WWTR1: variants seen among roughly 807,000 people sequenced by gnomAD.
WWTR1 encodes WW domain containing transcription regulator 1.
A neutral mutation model predicts 40.1 loss-of-function variants in WWTR1; 13 were observed. The ratio of observed to expected loss-of-function variants is 0.32; its 90% CI spans 0.21 to 0.52. The LOEUF is 0.52. Among genes scored for constraint, WWTR1 ranks in the 20% least tolerant of loss-of-function variants. The probability of loss-of-function intolerance (pLI) is 0.97; values close to 1 mark genes in which losing one functional copy is unlikely to be tolerated. For synonymous variants in WWTR1, 230 were observed against 210.1 expected (o/e 1.09, Z -0.82); for missense variants, 436 against 523.1 (o/e 0.83, Z 1.63).
intron 1 of WWTR1, among the ~76,000 whole-genome samples, chr3:149,682,076 GT>G (rs63111960): frequency 0.3 from 45,521 of 151,868 alleles, 7,113 homozygotes; most frequent in Admixed American, 0.39. Flanking sequence ...AAATTTAAAT[GT>G]AAAAAAAGAT....
At chr3:149,678,532 C>T (rs890740174) in intron 1 of WWTR1, among the ~76,000 whole-genome samples, 10 of 152,184 alleles carry the variant, frequency 6.6e-5, no homozygotes, top group Admixed American at 3.3e-4. Flanking sequence ...GCAGGGACCA[C>T]AGTCTATGCC....
intron 2 of WWTR1, among the ~76,000 whole-genome samples, chr3:149,642,808 A>C (rs10513357): frequency 0.015 from 2,307 of 152,170 alleles, 38 homozygotes; most frequent in East Asian, 0.087. Flanking sequence ...TTATTTGCCA[A>C]AAGTTGCATA....
intron 2 of WWTR1, among the ~76,000 whole-genome samples, chr3:149,592,232 C>G (rs1351415443): frequency 1.3e-5 from 2 of 152,186 alleles, no homozygotes; most frequent in Non-Finnish European, 2.9e-5. Context: ...TTTCAATTAG[C>G]TTAATCCCAC....
intron 2 of WWTR1, among the ~76,000 whole-genome samples, chr3:149,601,147 A>G (rs1182677350): frequency 2.0e-5 from 3 of 152,196 alleles, no homozygotes; most frequent in South Asian, 2.1e-4. Flanking sequence ...AAATTCAAAA[A>G]TGTATCAATT....
intron 3 of WWTR1, among the ~76,000 whole-genome samples, chr3:149,560,090 CAG>C (rs1476312327): frequency 6.6e-6 from 1 of 152,098 alleles, no homozygotes; most frequent in Non-Finnish European, 1.5e-5. Flanking sequence ...ATCCCAGGGT[CAG>C]AGCTGAGACA....
chr3:149,648,557 T>C (rs1014963837), intron 2 of WWTR1, among the ~76,000 whole-genome samples: 3 of 152,142 alleles, frequency 2.0e-5, no homozygotes, highest in African/African-American at 7.2e-5. Context: ...GGGGAAAAGT[T>C]CCTGCAGGAT....
chr3:149,598,710 ACAT>A (rs763222794), intron 2 of WWTR1, among the ~76,000 whole-genome samples: 4 of 152,174 alleles, frequency 2.6e-5, no homozygotes, highest in Non-Finnish European at 4.4e-5. Context: ...ACTTTCATCA[ACAT>A]CATAATTTAA....
chr3:149,582,504 T>C (rs544373138), intron 2 of WWTR1, among the ~76,000 whole-genome samples: 4 of 151,968 alleles, frequency 2.6e-5, no homozygotes, highest in African/African-American at 4.8e-5. Context: ...GGCAGGAGGA[T>C]TGCTTGAGCA....
At chr3:149,587,112 T>C (rs528992158) in intron 2 of WWTR1, among the ~76,000 whole-genome samples, 1 of 152,298 alleles carries the variant, frequency 6.6e-6, no homozygotes, top group South Asian at 2.1e-4. Context: ...TCACCACCTG[T>C]AGCTTGCAAT....
chr3:149,714,231 G>A (rs1186933122), intron 5 of WWTR1, among the ~76,000 whole-genome samples: 2 of 152,226 alleles, frequency 1.3e-5, no homozygotes, highest in African/African-American at 4.8e-5. Flanking sequence ...ACACCGCTGT[G>A]GACATGGACC....
At chr3:149,645,143 GA>G (rs11315437) in intron 2 of WWTR1, among the ~76,000 whole-genome samples, 82,132 of 150,840 alleles carry the variant, frequency 0.54, 22,428 homozygotes, top group Middle Eastern at 0.64. Flanking sequence ...GCAGTGGCGC[GA>G]TCTCAGCTCA....
chr3:149,549,423 A>T (rs1181879681), intron 3 of WWTR1, among the ~76,000 whole-genome samples: 1 of 152,252 alleles, frequency 6.6e-6, no homozygotes, highest in Non-Finnish European at 1.5e-5. Flanking sequence ...GACAAATTTC[A>T]ATAGAAAGGC....
intron 2 of WWTR1, among the ~76,000 whole-genome samples, chr3:149,656,224 G>T (rs1334387190): frequency 6.6e-6 from 1 of 152,206 alleles, no homozygotes; most frequent in South Asian, 2.1e-4. Context: ...CTTGTGATTT[G>T]ATGGTATTTT....
chr3:149,601,798 G>A (rs565591125), intron 2 of WWTR1, among the ~76,000 whole-genome samples: 4 of 151,590 alleles, frequency 2.6e-5, no homozygotes, highest in East Asian at 1.9e-4. Flanking sequence ...GAAATAAAAC[G>A]TGCAGGTTTA....
chr3:149,618,465 A>G (rs184428348), intron 2 of WWTR1, among the ~76,000 whole-genome samples: 16 of 152,344 alleles, frequency 1.1e-4, no homozygotes, highest in African/African-American at 3.6e-4. Flanking sequence ...AAGGCAGGCA[A>G]GAGGCTAGAG....
intron 5 of WWTR1, among the ~76,000 whole-genome samples, chr3:149,711,839 C>T (rs182658324): frequency 1.3e-5 from 2 of 152,202 alleles, no homozygotes; most frequent in Non-Finnish European, 2.9e-5. Flanking sequence ...CTCTGACCAC[C>T]CAATCTAAAG....
At chr3:149,562,270 G>T (rs908294238) in intron 3 of WWTR1, among the ~76,000 whole-genome samples, 1 of 151,126 alleles carries the variant, frequency 6.6e-6, no homozygotes, top group African/African-American at 2.4e-5. Context: ...ACTCCAGCCT[G>T]GGCGACAGAA....
intron 3 of WWTR1, among the ~76,000 whole-genome samples, chr3:149,543,148 A>G (rs1736199392): frequency 6.6e-6 from 1 of 152,240 alleles, no homozygotes. Flanking sequence ...TGTTTCTTCA[A>G]AGGGAGAAAT....
At chr3:149,714,976 G>A (rs1715569098) in intron 5 of WWTR1, among the ~76,000 whole-genome samples, 1 of 152,138 alleles carries the variant, frequency 6.6e-6, no homozygotes, top group Admixed American at 6.5e-5. Context: ...TAGCTGCAGA[G>A]AGGAGCTACC....
Sources: gnomAD v4.1 joint callset for allele counts (sites outside exome capture counted in the v4.1 genomes callset) on GRCh38, gnomAD v4.1.1 for gene constraint, MANE v1.5 for transcripts, NCBI Gene and HGNC (gene_info 2026-07-23, HGNC 2026-07-21) for gene names.